CLEC20A: variants seen among roughly 807,000 people sequenced by gnomAD.
The protein encoded by CLEC20A is C-type lectin domain containing 20A.
rs188997338 is a variant in CLEC20A, at chr1:178,479,837, T to G, written c.1123-222A>C. 70 of 302,778 alleles carry G rather than the reference T, an allele frequency of 2.3e-4. 1 individual carries two copies. In the East Asian group the frequency reaches 3.3e-3, roughly 14 times the overall value. 18.8% of individuals were successfully genotyped at this position (302,778 alleles called of 1,614,324 possible). A position where few individuals can be genotyped will look rare whatever the true frequency, so the allele number is the denominator to read the frequency against. On this transcript the variant is annotated intron_variant, in intron 7 of 7. Transcript: ENST00000623247. ...AAAAAAATTTAATGACAAAGAACAC[T>G]AAAACAGATGACTAAATCAGTGGTT...
At chr1:178,492,552 G>A in exon 3 of CLEC20A, 1 of 398,610 alleles carries the variant, frequency 2.5e-6, no homozygotes, top group South Asian at 1.3e-4. Context: ...GAGATGAGGT[G>A]CCCGACGTCA....
chr1:178,482,136 G>T (rs1439901825), intron 7 of CLEC20A, 176 bp downstream of exon 7: 6 of 388,250 alleles, frequency 1.5e-5, no homozygotes, highest in Non-Finnish European at 2.3e-5. Flanking sequence ...GGTAAGAAAA[G>T]ATCCAAAAAG....
At chr1:178,486,367 G>T in intron 5 of CLEC20A, 1 of 398,468 alleles carries the variant, frequency 2.5e-6, no homozygotes, top group South Asian at 1.3e-4. Context: ...CCCAAGAGAG[G>T]AACTCCCCAA....
At chr1:178,496,905 G>A in exon 1 of CLEC20A, 1 of 399,176 alleles carries the variant, frequency 2.5e-6, no homozygotes, top group Non-Finnish European at 4.4e-6. Flanking sequence ...CTCACCTGCT[G>A]CGCAGAAGGA....
chr1:178,491,330 C>T (rs538511383), intron 3 of CLEC20A, among the ~76,000 whole-genome samples: 2 of 152,194 alleles, frequency 1.3e-5, no homozygotes, highest in Admixed American at 6.5e-5. Flanking sequence ...TTTGCTGAGT[C>T]GGGAGTCACA....
At chr1:178,480,117 TC>T (rs1648928975) in intron 7 of CLEC20A, 1 of 152,088 alleles carries the variant, frequency 6.6e-6, no homozygotes, top group African/African-American at 2.4e-5. Context: ...TAAAATGTTT[TC>T]TGTCCCCAAT....
intron 3 of CLEC20A, among the ~76,000 whole-genome samples, chr1:178,491,834 G>T (rs192924769): frequency 1.5e-3 from 225 of 152,304 alleles, no homozygotes; most frequent in African/African-American, 5.3e-3. Context: ...CCCACCCCTA[G>T]ATGGATGAGC....
chr1:178,498,886 GC>G (rs1015971481), upstream of CLEC20A, among the ~76,000 whole-genome samples: 2 of 152,182 alleles, frequency 1.3e-5, no homozygotes, highest in African/African-American at 4.8e-5. Context: ...TGTTAATGCA[GC>G]CACAAAAATG....
chr1:178,483,866 A>C (rs1440116833), intron 5 of CLEC20A: 1 of 152,238 alleles, frequency 6.6e-6, no homozygotes, highest in South Asian at 2.1e-4. Context: ...ATTTTTTCAA[A>C]TATGGAAATA....
At chr1:178,479,839 A>T (rs1015050736) in intron 7 of CLEC20A, 5 of 323,938 alleles carry the variant, frequency 1.5e-5, no homozygotes, top group Non-Finnish European at 2.8e-5. Flanking sequence ...AAGAACACTA[A>T]AACAGATGAC....
chr1:178,498,495 C>G (rs1265715473), upstream of CLEC20A, among the ~76,000 whole-genome samples: 1 of 152,124 alleles, frequency 6.6e-6, no homozygotes, highest in African/African-American at 2.4e-5. Context: ...TAGGCTGAGA[C>G]AGGAGGATTG....
intron 2 of CLEC20A, among the ~76,000 whole-genome samples, chr1:178,493,962 C>A (rs762958082): frequency 2.0e-5 from 3 of 152,154 alleles, no homozygotes; most frequent in Non-Finnish European, 4.4e-5. Flanking sequence ...TTGAGGTCTT[C>A]GAATAGGGGT....
At chr1:178,497,008 G>A (rs899397258), upstream of CLEC20A, 2 of 399,108 alleles carry the variant, frequency 5.0e-6, no homozygotes, top group Non-Finnish European at 8.8e-6. Flanking sequence ...AGCTGGCGGG[G>A]ACTGTAGAAG....
Position 178,483,286 on chromosome 1 carries a change from C to G in CLEC20A, c.929-4G>C. ...CCACTCCCTACACTGGCCACAGCTA[C>G]AGGAGGGGAAAATAAAAGATTTATT... On this transcript the variant is annotated splice_region_variant and splice_polypyrimidine_tract_variant and intron_variant, in intron 5 of 7. Transcript: ENST00000623247. 1 of 398,560 alleles carries G rather than the reference C, an allele frequency of 2.5e-6. No homozygotes were observed. The highest frequency in any genetic ancestry group is 4.4e-6 in the Non-Finnish European group (1 of 226,074). 24.7% of individuals were successfully genotyped at this position (398,560 alleles called of 1,614,324 possible).
At chr1:178,486,503 G>C (rs1649147566) in intron 5 of CLEC20A, 1 of 398,742 alleles carries the variant, frequency 2.5e-6, no homozygotes, top group South Asian at 1.3e-4. Context: ...GCAGAGTCAG[G>C]GGGTGCAGTT....
intron 5 of CLEC20A, among the ~76,000 whole-genome samples, chr1:178,487,977 G>A (rs1649189897): frequency 6.6e-6 from 1 of 152,178 alleles, no homozygotes; most frequent in African/African-American, 2.4e-5. Flanking sequence ...AAATGCTATA[G>A]GAATGCTGTC....
intron 7 of CLEC20A, chr1:178,482,051 G>A (rs754534563): frequency 2.7e-5 from 8 of 296,590 alleles, no homozygotes; most frequent in African/African-American, 6.7e-5. Flanking sequence ...CCCTCTGACC[G>A]TGCTGTCTTG....
chr1:178,491,682 A>G (rs929398872), intron 3 of CLEC20A, among the ~76,000 whole-genome samples: 1 of 152,164 alleles, frequency 6.6e-6, no homozygotes, highest in African/African-American at 2.4e-5. Context: ...TGTACTCCAT[A>G]CCATGCAGAA....
chr1:178,482,660 T>C (rs545980587), intron 6 of CLEC20A: 1 of 312,368 alleles, frequency 3.2e-6, no homozygotes, highest in East Asian at 5.0e-5. Flanking sequence ...TTTTCTTTTT[T>C]GTTTCTTCTG....
Sources: gnomAD v4.1 joint callset for allele counts (sites outside exome capture counted in the v4.1 genomes callset) on GRCh38, gnomAD v4.1.1 for gene constraint, MANE v1.5 for transcripts, NCBI Gene and HGNC (gene_info 2026-07-23, HGNC 2026-07-21) for gene names.